The following DOCK4 variants were observed in gnomAD, a reference collection of about 807,000 sequenced individuals.
The protein encoded by DOCK4 is dedicator of cytokinesis 4, also known as dedicator of cytokinesis protein 4.
A neutral mutation model predicts 268.1 loss-of-function variants in DOCK4; 97 were observed. The ratio of observed to expected loss-of-function variants is 0.36; its 90% confidence interval spans 0.31 to 0.43. The LOEUF (loss-of-function observed/expected upper bound fraction) is 0.43. DOCK4 is among the 20% of genes least tolerant of loss of function. The pLI is 1.00. For synonymous variants in DOCK4, 954 were observed against 887.2 expected (o/e 1.08, Z -1.34); for missense variants, 2,145 against 2,455.7 (o/e 0.87, Z 2.67).
intron 30 of DOCK4, 74 bp from the exon 31 acceptor site, chr7:111,790,679 T>C: frequency 7.0e-7 from 1 of 1,432,888 alleles, no homozygotes; most frequent in Non-Finnish European, 9.2e-7. Flanking sequence ...ATCATAAAAT[T>C]TGTTTAAAAC....
intron 8 of DOCK4, among the ~76,000 whole-genome samples, chr7:111,956,658 T>C (rs1040262167): frequency 9.2e-5 from 14 of 152,192 alleles, no homozygotes; most frequent in African/African-American, 3.4e-4. Flanking sequence ...GAATACATAA[T>C]TGACTATTCC....
intron 1 of DOCK4, 83 bp from the exon 2 acceptor site, chr7:112,004,214 A>G: frequency 1.9e-6 from 2 of 1,036,674 alleles, no homozygotes; most frequent in Non-Finnish European, 2.8e-6. Flanking sequence ...GGAAAAATGA[A>G]TATAAATAGG....
At chr7:112,141,885 A>G (rs989291140) in intron 1 of DOCK4, among the ~76,000 whole-genome samples, 18 of 152,158 alleles carry the variant, frequency 1.2e-4, no homozygotes, top group African/African-American at 4.3e-4. Flanking sequence ...CCAGATTGCA[A>G]TTGGGGCCAG....
intron 26 of DOCK4, among the ~76,000 whole-genome samples, chr7:111,823,527 C>T (rs1586095470): frequency 6.6e-6 from 1 of 152,054 alleles, no homozygotes; most frequent in East Asian, 1.9e-4. Context: ...CTTCCTTCAA[C>T]ATTACAAGAG....
intron 1 of DOCK4, among the ~76,000 whole-genome samples, chr7:112,185,830 G>T (rs1819454195): frequency 6.6e-6 from 1 of 152,200 alleles, no homozygotes; most frequent in East Asian, 1.9e-4. Flanking sequence ...TTCCTAAGCG[G>T]AATCCAGTCT....
chr7:111,797,260 TC>T (rs1177987264), intron 30 of DOCK4, among the ~76,000 whole-genome samples: 1 of 152,116 alleles, frequency 6.6e-6, no homozygotes, highest in African/African-American at 2.4e-5. Flanking sequence ...GGGAAAAAGT[TC>T]CCCAAAATTA....
intron 1 of DOCK4, among the ~76,000 whole-genome samples, chr7:112,057,557 T>TAA (rs59998263): frequency 9.0e-5 from 11 of 122,564 alleles, no homozygotes; most frequent in African/African-American, 2.6e-4. Context: ...TCCCAAAAAA[T>TAA]AAAAAAAAAA....
chr7:112,151,855 A>T (rs576111637), intron 1 of DOCK4, among the ~76,000 whole-genome samples: 1 of 151,946 alleles, frequency 6.6e-6, no homozygotes, highest in Non-Finnish European at 1.5e-5. Context: ...AACAAAAAAC[A>T]AAAAACCTGT....
intron 32 of DOCK4, among the ~76,000 whole-genome samples, chr7:111,786,256 C>T (rs1799156262): frequency 6.6e-6 from 1 of 152,116 alleles, no homozygotes; most frequent in Non-Finnish European, 1.5e-5. Flanking sequence ...CTGGAAAGCC[C>T]CTTTAGAGCC....
At chr7:112,084,851 C>T (rs544686790) in intron 1 of DOCK4, among the ~76,000 whole-genome samples, 2 of 152,092 alleles carry the variant, frequency 1.3e-5, no homozygotes, top group African/African-American at 4.8e-5. Flanking sequence ...GTGTTTTCAC[C>T]ATTATCACTT....
intron 13 of DOCK4, among the ~76,000 whole-genome samples, chr7:111,913,017 G>A (rs1478365613): frequency 6.6e-6 from 1 of 150,706 alleles, no homozygotes; most frequent in East Asian, 1.9e-4. Context: ...AGGCTGGAGT[G>A]TAGTGACAGG....
chr7:111,805,521 C>G (rs531878633), intron 30 of DOCK4, among the ~76,000 whole-genome samples: 2 of 152,268 alleles, frequency 1.3e-5, no homozygotes, highest in African/African-American at 4.8e-5. Flanking sequence ...AAAAATAACA[C>G]TGTAAACATA....
intron 31 of DOCK4, among the ~76,000 whole-genome samples, chr7:111,789,418 G>C (rs1799385959): frequency 6.6e-6 from 1 of 152,184 alleles, no homozygotes; most frequent in Non-Finnish European, 1.5e-5. Context: ...TGAGGCAGAA[G>C]AGACAGAAAA....
intron 1 of DOCK4, among the ~76,000 whole-genome samples, chr7:112,123,082 T>C (rs932753499): frequency 4.6e-5 from 7 of 152,050 alleles, no homozygotes; most frequent in African/African-American, 9.7e-5. Context: ...CCTGGCAAAA[T>C]AGCAGGGAGA....
chr7:111,905,683 A>ATGTGTG (rs145889951), intron 13 of DOCK4, among the ~76,000 whole-genome samples: 12,879 of 147,626 alleles, frequency 0.087, 662 homozygotes, highest in African/African-American at 0.15. Context: ...ATATGCATGT[A>ATGTGTG]TGTGTGTGTG....
At chr7:111,730,458 A>C (rs1795005004) in intron 52 of DOCK4, among the ~76,000 whole-genome samples, 1 of 152,220 alleles carries the variant, frequency 6.6e-6, no homozygotes, top group African/African-American at 2.4e-5. Flanking sequence ...CTTTGTAAAC[A>C]AAATAACGCT....
At position 112,125,884 on chromosome 7, in the gene DOCK4, T is replaced by C. The variant is rs570436004; in HGVS notation, c.37+80218A>G. 6.6e-5 allele frequency among the ~76,000 whole-genome samples: 10 copies of C among 152,224 alleles called. 1 individual carries two copies. The highest frequency in any genetic ancestry group is 2.2e-4 in the African/African-American group (9 of 41,542). On this transcript the variant is annotated intron_variant, in intron 1 of 52. Transcript: ENST00000428084. ...GATACTGTGGCGTGATCATGGCTCA[T>C]TGCAGCCTTGACCTCCCTGTCTCAG...
chr7:111,987,405 A>G (rs1187340437), intron 6 of DOCK4, among the ~76,000 whole-genome samples: 1 of 152,098 alleles, frequency 6.6e-6, no homozygotes, highest in Non-Finnish European at 1.5e-5. Flanking sequence ...CTTTCTTCCT[A>G]TTTACAAACT....
rs571136425 is a variant in DOCK4 at position 112,172,934 on chromosome 7, C to T, written c.37+33168G>A. ...GACAGCCTCATGTAATGAAAGACCC[C>T]GTAACTAGAGCAGAACCCACAGGAT... is the stretch of plus-strand genomic sequence containing the variant. On this transcript the variant is annotated intron_variant, in intron 1 of 52. Transcript: ENST00000428084. Among the ~76,000 whole-genome samples the T allele has an allele frequency of 1.6e-3, 236 of 152,252 alleles. 5 individuals are homozygous for T. In the South Asian group the frequency reaches 0.047, roughly 30 times the overall value.
Sources: gnomAD v4.1 joint callset for allele counts (sites outside exome capture counted in the v4.1 genomes callset) on GRCh38, gnomAD v4.1.1 for gene constraint, MANE v1.5 for transcripts, NCBI Gene and HGNC (gene_info 2026-07-23, HGNC 2026-07-21) for gene names.